Variants in SLC71A2 observed in about 807,000 individuals in gnomAD.
SLC71A2 encodes solute carrier family 71 member 2.
the SLC71A2 span, chr9:94,432,797 T>G: frequency 4.9e-6 from 2 of 405,792 alleles, no homozygotes; most frequent in Non-Finnish European, 9.9e-6. Context: ...ATCCCTAGTT[T>G]GTCCCCCATC....
the SLC71A2 span, among the ~76,000 whole-genome samples, chr9:94,386,220 T>C: frequency 6.7e-6 from 1 of 149,604 alleles, no homozygotes; most frequent in Non-Finnish European, 1.5e-5. Context: ...TTAGATGCTG[T>C]TATAAATGAA....
the SLC71A2 span, among the ~76,000 whole-genome samples, chr9:94,398,566 CCTTAT>C: frequency 1.3e-5 from 2 of 151,984 alleles, no homozygotes; most frequent in African/African-American, 4.8e-5. Flanking sequence ...GAGTGATTAC[CCTTAT>C]CTTGTCTCCT....
At chr9:94,456,185 A>C in the SLC71A2 span, 2 of 1,214,586 alleles carry the variant, frequency 1.6e-6, no homozygotes, top group Non-Finnish European at 2.4e-6. Flanking sequence ...CATTCCGAAT[A>C]GTGAGCTCCT....
At chr9:94,453,148 CTT>C in the SLC71A2 span, among the ~76,000 whole-genome samples, 45,644 of 124,458 alleles carry the variant, frequency 0.37, 8,291 homozygotes, top group African/African-American at 0.64. Flanking sequence ...ACTCAGCCAT[CTT>C]TTTTTTTTTT....
the SLC71A2 span, among the ~76,000 whole-genome samples, chr9:94,457,115 C>T: frequency 6.6e-6 from 1 of 152,152 alleles, no homozygotes; most frequent in Non-Finnish European, 1.5e-5. Flanking sequence ...GAGACGCACA[C>T]TACCATGCCC....
chr9:94,406,325 C>T, the SLC71A2 span, among the ~76,000 whole-genome samples: 4 of 152,102 alleles, frequency 2.6e-5, no homozygotes, highest in Admixed American at 1.3e-4. Context: ...CCACAACCCC[C>T]GCCTCCCGGG....
chr9:94,428,584 A>T, the SLC71A2 span, among the ~76,000 whole-genome samples: 1 of 136,256 alleles, frequency 7.3e-6, no homozygotes, highest in African/African-American at 2.9e-5. Context: ...TTCCCTACAT[A>T]TGCATACCCC....
At chr9:94,439,177 T>G in the SLC71A2 span, among the ~76,000 whole-genome samples, 1 of 151,904 alleles carries the variant, frequency 6.6e-6, no homozygotes, top group Admixed American at 6.6e-5. Flanking sequence ...GCCCGGCTAA[T>G]TTTTGTATTT....
the SLC71A2 span, among the ~76,000 whole-genome samples, chr9:94,445,628 C>A: frequency 2.0e-5 from 3 of 152,018 alleles, no homozygotes; most frequent in Non-Finnish European, 4.4e-5. Flanking sequence ...TAATATGTCT[C>A]TCTCTCCCTC....
the SLC71A2 span, among the ~76,000 whole-genome samples, chr9:94,385,542 T>A: frequency 6.6e-6 from 1 of 152,108 alleles, no homozygotes; most frequent in Non-Finnish European, 1.5e-5. Context: ...GAGTTAATTT[T>A]AATATATGGT....
At chr9:94,400,730 A>G in the SLC71A2 span, among the ~76,000 whole-genome samples, 1 of 152,166 alleles carries the variant, frequency 6.6e-6, no homozygotes, top group African/African-American at 2.4e-5. Flanking sequence ...AATGTTTTCT[A>G]AAAGTTAACA....
the SLC71A2 span, chr9:94,446,784 T>C: frequency 0.31 from 316,909 of 1,017,486 alleles, 51,611 homozygotes; most frequent in Admixed American, 0.5. Context: ...CATTAATGTG[T>C]ATTGGCATTT....
the SLC71A2 span, among the ~76,000 whole-genome samples, chr9:94,401,503 C>T: frequency 2.0e-5 from 3 of 151,930 alleles, no homozygotes; most frequent in Admixed American, 2.0e-4. Flanking sequence ...TATTTGCCAT[C>T]TGTATATCAT....
At chr9:94,388,006 C>CATA in the SLC71A2 span, among the ~76,000 whole-genome samples, 9 of 152,132 alleles carry the variant, frequency 5.9e-5, no homozygotes, top group Non-Finnish European at 4.4e-5. Flanking sequence ...GTTCTTTGTG[C>CATA]ATAGATCTTT....
the SLC71A2 span, among the ~76,000 whole-genome samples, chr9:94,454,787 A>G: frequency 1.3e-3 from 196 of 152,344 alleles, no homozygotes; most frequent in African/African-American, 4.4e-3. Flanking sequence ...CATAACCTTG[A>G]TAAATCATTT....
chr9:94,459,077 G>GT, the SLC71A2 span: 1,526 of 1,408,026 alleles, frequency 1.1e-3, 1 homozygote, highest in African/African-American at 5.0e-3. Context: ...TTGGTGGTGT[G>GT]TTTTTTTTGG....
chr9:94,458,542 G>A, the SLC71A2 span: 8 of 1,373,758 alleles, frequency 5.8e-6, no homozygotes, highest in Admixed American at 1.5e-4. Flanking sequence ...TAAATTTGGA[G>A]AGCATTCTTT....
the SLC71A2 span, among the ~76,000 whole-genome samples, chr9:94,379,109 G>A: frequency 1.4e-5 from 1 of 70,852 alleles, no homozygotes; most frequent in Admixed American, 1.2e-4. Flanking sequence ...TTTTTGAGAC[G>A]GAGTTTCACT....
chr9:94,379,173 G>T, the SLC71A2 span, among the ~76,000 whole-genome samples: 13 of 148,526 alleles, frequency 8.8e-5, no homozygotes, highest in African/African-American at 3.2e-4. Context: ...TACAGCCTCT[G>T]CCTGCCGGGT....
Sources: gnomAD v4.1 joint callset for allele counts (sites outside exome capture counted in the v4.1 genomes callset) on GRCh38, gnomAD v4.1.1 for gene constraint, MANE v1.5 for transcripts, NCBI Gene and HGNC (gene_info 2026-07-23, HGNC 2026-07-21) for gene names.